FAM81B: variants seen among roughly 807,000 people sequenced by gnomAD.
The protein encoded by FAM81B is family with sequence similarity 81 member B.
A neutral mutation model predicts 58.7 loss-of-function variants in FAM81B; 60 were observed. The observed-to-expected ratio is 1.02, with a 90% confidence interval of 0.83 to 1.27. FAM81B has a LOEUF of 1.27. FAM81B is among the 50% of genes most tolerant of loss of function. The pLI is 0.00. For missense variants in FAM81B, 491 were observed against 522.0 expected (o/e 0.94, Z 0.58); for synonymous variants, 189 against 179.6 (o/e 1.05, Z -0.42).
At chr5:95,396,462 A>G (rs1231042993) in intron 3 of FAM81B, 2 of 247,034 alleles carry the variant, frequency 8.1e-6, no homozygotes, top group East Asian at 8.1e-5. Flanking sequence ...AACATATTGC[A>G]TATTGCAACA....
intron 5 of FAM81B, 74 bp downstream of exon 5, chr5:95,420,476 C>T: frequency 6.3e-7 from 1 of 1,584,866 alleles, no homozygotes; most frequent in Non-Finnish European, 8.6e-7. Flanking sequence ...AAACAAGCTC[C>T]ATGCTGTGGA....
chr5:95,407,408 AC>A (rs1762280855), intron 3 of FAM81B, among the ~76,000 whole-genome samples: 1 of 147,306 alleles, frequency 6.8e-6, no homozygotes, highest in Non-Finnish European at 1.5e-5. Context: ...ACACACACAC[AC>A]GCACACACAC....
intron 5 of FAM81B, among the ~76,000 whole-genome samples, chr5:95,422,615 T>G (rs767347402): frequency 1.3e-5 from 2 of 152,148 alleles, no homozygotes; most frequent in Non-Finnish European, 2.9e-5. Context: ...CCTGAGTGCC[T>G]GGGATTACAG....
intron 4 of FAM81B, among the ~76,000 whole-genome samples, chr5:95,417,315 T>G (rs994237442): frequency 3.3e-5 from 5 of 152,206 alleles, no homozygotes; most frequent in Admixed American, 6.5e-5. Context: ...AATAAGATTT[T>G]TTTTCTTAGT....
At chr5:95,423,098 T>C (rs765455909) in intron 5 of FAM81B, among the ~76,000 whole-genome samples, 2 of 152,172 alleles carry the variant, frequency 1.3e-5, no homozygotes, top group Non-Finnish European at 2.9e-5. Context: ...GATTACTGTC[T>C]TTCCACATAG....
At chr5:95,443,724 T>C (rs1464515458) in intron 7 of FAM81B, among the ~76,000 whole-genome samples, 2 of 152,218 alleles carry the variant, frequency 1.3e-5, no homozygotes, top group Non-Finnish European at 2.9e-5. Context: ...CAAATTTTAA[T>C]AAACTACCAA....
intron 5 of FAM81B, among the ~76,000 whole-genome samples, chr5:95,425,440 T>C (rs941175359): frequency 6.6e-6 from 1 of 152,180 alleles, no homozygotes; most frequent in Non-Finnish European, 1.5e-5. Flanking sequence ...AATGGATTGA[T>C]GTTTATCATG....
At chr5:95,426,121 T>TATATA (rs1762823199) in intron 5 of FAM81B, among the ~76,000 whole-genome samples, 1 of 93,242 alleles carries the variant, frequency 1.1e-5, no homozygotes, top group Admixed American at 1.0e-4. Context: ...TATATATATA[T>TATATA]ATGTACACAT....
At chr5:95,444,412 A>G (rs73143938) in intron 7 of FAM81B, among the ~76,000 whole-genome samples, 1 of 152,180 alleles carries the variant, frequency 6.6e-6, no homozygotes, top group African/African-American at 2.4e-5. Context: ...AAAGAGTTCT[A>G]TTTTTTAAGG....
intron 7 of FAM81B, among the ~76,000 whole-genome samples, chr5:95,445,004 C>T (rs1343831052): frequency 6.6e-6 from 1 of 152,070 alleles, no homozygotes; most frequent in Non-Finnish European, 1.5e-5. Context: ...CAAACGTCCC[C>T]CAGGGGCAAG....
At chr5:95,403,175 C>G (rs918577078) in intron 3 of FAM81B, among the ~76,000 whole-genome samples, 6 of 152,216 alleles carry the variant, frequency 3.9e-5, no homozygotes, top group African/African-American at 1.4e-4. Flanking sequence ...TATTCTTACT[C>G]TCCCCGCCTA....
chr5:95,435,506 A>G (rs946924601), intron 6 of FAM81B, among the ~76,000 whole-genome samples: 1 of 152,214 alleles, frequency 6.6e-6, no homozygotes, highest in African/African-American at 2.4e-5. Flanking sequence ...ATATAAATCT[A>G]TGAAATACAT....
chr5:95,441,724 T>G (rs1745361474), intron 7 of FAM81B, among the ~76,000 whole-genome samples: 1 of 152,212 alleles, frequency 6.6e-6, no homozygotes, highest in Admixed American at 6.5e-5. Flanking sequence ...CTGACACTTT[T>G]CTAGTGAATT....
chr5:95,400,435 C>CATACACAT (rs10675531), intron 3 of FAM81B, among the ~76,000 whole-genome samples: 1 of 143,404 alleles, frequency 7.0e-6, no homozygotes, highest in African/African-American at 2.7e-5. Context: ...TACATACATA[C>CATACACAT]ACACACACAC....
At chr5:95,417,528 T>A (rs763013281) in intron 4 of FAM81B, among the ~76,000 whole-genome samples, 1 of 152,214 alleles carries the variant, frequency 6.6e-6, no homozygotes, top group Non-Finnish European at 1.5e-5. Flanking sequence ...CTTCATTTCT[T>A]CTTCTAATGA....
At chr5:95,408,564 C>A (rs960189542) in intron 3 of FAM81B, among the ~76,000 whole-genome samples, 1 of 152,292 alleles carries the variant, frequency 6.6e-6, no homozygotes, top group South Asian at 2.1e-4. Flanking sequence ...TTGGAGGGGA[C>A]CTCTTCTCTG....
chr5:95,396,073 G>T, intron 2 of FAM81B, 38 bp from the exon 3 acceptor site: 1 of 1,474,000 alleles, frequency 6.8e-7, no homozygotes. Context: ...CTGTAAAGAA[G>T]CAGATGATAT....
At chr5:95,427,825 G>A (rs1484353705) in intron 5 of FAM81B, among the ~76,000 whole-genome samples, 1 of 152,144 alleles carries the variant, frequency 6.6e-6, no homozygotes, top group Non-Finnish European at 1.5e-5. Context: ...TTAATACACT[G>A]TGCAACCTGC....
intron 5 of FAM81B, chr5:95,424,200 A>T: frequency 7.8e-7 from 1 of 1,289,832 alleles, no homozygotes; most frequent in East Asian, 5.5e-5. Flanking sequence ...GGTAGCAGAA[A>T]CATTCAAAGA....
Sources: allele counts gnomAD v4.1 joint callset (sites outside exome capture counted in the v4.1 genomes callset), GRCh38; gene constraint gnomAD v4.1.1; transcripts MANE v1.5; gene names NCBI Gene and HGNC (gene_info 2026-07-23, HGNC 2026-07-21).